The following ARHGEF9 variants were observed in gnomAD, a reference collection of about 807,000 sequenced individuals.
The protein encoded by ARHGEF9 is rho guanine nucleotide exchange factor 9.
Under a neutral mutation model 41.3 loss-of-function variants are expected in ARHGEF9, and 2 were observed. The observed-to-expected ratio is 0.05, with a 90% CI of 0.02 to 0.15. ARHGEF9 has a LOEUF of 0.15. Ranked by LOEUF, ARHGEF9 falls within the 10% of genes least tolerant of loss-of-function variation. The pLI is 1.00. For missense variants in ARHGEF9, 225 were observed against 424.7 expected (o/e 0.53, Z 4.13); for synonymous variants, 160 against 154.4 (o/e 1.04, Z -0.27).
chrX:63,646,929 T>C (rs1328974527), intron 8 of ARHGEF9, among the ~76,000 whole-genome samples: 2 of 111,521 alleles, frequency 1.8e-5, no homozygotes, highest in Non-Finnish European at 3.8e-5. Flanking sequence ...GTAGTTGTCC[T>C]TGAAGAGTTC....
chrX:63,729,136 A>G (rs1244980912), intron 1 of ARHGEF9, among the ~76,000 whole-genome samples: 1 of 111,886 alleles, frequency 8.9e-6, no homozygotes, highest in Non-Finnish European at 1.9e-5. Context: ...GCTTTGCAAA[A>G]GAAGTGATGA....
At chrX:63,715,633 C>T in intron 2 of ARHGEF9, among the ~76,000 whole-genome samples, 1 of 111,888 alleles carries the variant, frequency 8.9e-6, no homozygotes, top group Non-Finnish European at 1.9e-5. Context: ...GAGGCTTTTC[C>T]CGCAACATCT....
chrX:63,760,839 A>T (rs2056022033), intron 1 of ARHGEF9, among the ~76,000 whole-genome samples: 1 of 111,791 alleles, frequency 8.9e-6, no homozygotes, highest in African/African-American at 3.3e-5. Flanking sequence ...TAAAAGAGTA[A>T]CTATACCTGA....
intron 7 of ARHGEF9, among the ~76,000 whole-genome samples, chrX:63,660,251 T>C (rs1198637283): frequency 9.0e-6 from 1 of 111,620 alleles, no homozygotes; most frequent in Non-Finnish European, 1.9e-5. Flanking sequence ...ACAACATGGA[T>C]GGAACTGGAG....
chrX:63,781,603 G>A (rs1269555667), intron 1 of ARHGEF9, among the ~76,000 whole-genome samples: 1 of 111,735 alleles, frequency 8.9e-6, no homozygotes, highest in Non-Finnish European at 1.9e-5. Context: ...ATTTCATATA[G>A]ATCATCTCCA....
intron 1 of ARHGEF9, among the ~76,000 whole-genome samples, chrX:63,730,700 G>T (rs1448273961): frequency 1.8e-5 from 2 of 111,759 alleles, no homozygotes; most frequent in African/African-American, 6.5e-5. Context: ...CCCTACCCTT[G>T]CCTCTTCTGA....
intron 2 of ARHGEF9, among the ~76,000 whole-genome samples, chrX:63,708,273 T>C (rs1230866333): frequency 8.9e-6 from 1 of 112,267 alleles, no homozygotes; most frequent in African/African-American, 3.2e-5. Flanking sequence ...AACTCTGCTA[T>C]GGAAAGGGTA....
chrX:63,647,418 T>C (rs188934456), intron 8 of ARHGEF9, among the ~76,000 whole-genome samples: 51 of 111,814 alleles, frequency 4.6e-4, no homozygotes, highest in Non-Finnish European at 4.7e-4. Context: ...AGTATGTAAT[T>C]TATTGAGAGT....
At chrX:63,722,048 C>A (rs1404881398) in intron 2 of ARHGEF9, among the ~76,000 whole-genome samples, 3 of 112,102 alleles carry the variant, frequency 2.7e-5, no homozygotes, top group African/African-American at 9.7e-5. Flanking sequence ...TCACAGGTAA[C>A]AAAGCATTTT....
intron 1 of ARHGEF9, among the ~76,000 whole-genome samples, chrX:63,779,754 CA>C (rs1556461000): frequency 9.0e-6 from 1 of 111,662 alleles, no homozygotes; most frequent in Admixed American, 9.5e-5. Context: ...GCCCACAGTC[CA>C]AAGCTGACTA....
intron 7 of ARHGEF9, among the ~76,000 whole-genome samples, chrX:63,664,000 T>G (rs2049370767): frequency 8.9e-6 from 1 of 112,105 alleles, no homozygotes; most frequent in Non-Finnish European, 1.9e-5. Flanking sequence ...GAAGAAAGCC[T>G]ATGGTTCTTG....
intron 1 of ARHGEF9, among the ~76,000 whole-genome samples, chrX:63,778,250 G>C (rs1170196929): frequency 8.9e-6 from 1 of 112,277 alleles, no homozygotes; most frequent in Admixed American, 9.4e-5. Flanking sequence ...CACGGCTTGG[G>C]GCTTGTACCC....
intron 7 of ARHGEF9, among the ~76,000 whole-genome samples, chrX:63,660,395 G>A (rs1556340237): frequency 9.0e-6 from 1 of 111,203 alleles, no homozygotes; most frequent in Non-Finnish European, 1.9e-5. Flanking sequence ...TTACTTGAGG[G>A]TGGAAGGTGG....
chrX:63,727,961 T>A (rs1180428684), intron 1 of ARHGEF9, among the ~76,000 whole-genome samples: 1 of 111,885 alleles, frequency 8.9e-6, no homozygotes, highest in Non-Finnish European at 1.9e-5. Context: ...CTATTCTGCC[T>A]CTGGGTCCCA....
At chrX:63,731,850 C>A (rs1455631769) in intron 1 of ARHGEF9, among the ~76,000 whole-genome samples, 1 of 111,130 alleles carries the variant, frequency 9.0e-6, no homozygotes, top group African/African-American at 3.3e-5. Flanking sequence ...CGTGAGCCAC[C>A]GCACCCAGCC....
At chrX:63,674,360 T>TTGTACACTGATA (rs1329659707) in intron 5 of ARHGEF9, among the ~76,000 whole-genome samples, 193 bp from the exon 6 acceptor site, 2 of 112,223 alleles carry the variant, frequency 1.8e-5, no homozygotes, top group Admixed American at 9.5e-5. Flanking sequence ...CAAGTAAGTT[T>TTGTACACTGATA]TGTACACTGA....
intron 6 of ARHGEF9, among the ~76,000 whole-genome samples, chrX:63,670,873 C>T (rs1424969816): frequency 8.9e-6 from 1 of 111,794 alleles, no homozygotes; most frequent in Admixed American, 9.5e-5. Flanking sequence ...GGGATAATAA[C>T]CAGAGTTGGG....
Position 63,785,178 on chromosome X carries a change from C to T in ARHGEF9, c.-33G>A, listed in dbSNP as rs782327551. On this transcript the variant is annotated 5_prime_UTR_variant, in exon 1 of 10. Coordinates refer to ENST00000671741, the MANE Select transcript of ARHGEF9 (RefSeq NM_001353921.2). ...GCGAAGTCCGGCTTCTCTGAGGCCC[C>T]GTAGCTGGCGCGAGTTGTCGCGGGC... The T allele has an allele frequency of 1.1e-5, 13 of 1,158,715 alleles. No individual in the cohort carries two copies. Among genetic ancestry groups the T allele is most frequent in the African/African-American group, 1.1e-4 (6 of 55,588 alleles).
intron 9 of ARHGEF9, chrX:63,640,992 G>A (rs782146916): frequency 1.8e-5 from 2 of 111,583 alleles, no homozygotes; most frequent in African/African-American, 3.3e-5. Context: ...TACAGCCCTG[G>A]ACTAGGAGTC....
Sources: allele counts gnomAD v4.1 joint callset (sites outside exome capture counted in the v4.1 genomes callset), GRCh38; gene constraint gnomAD v4.1.1; transcripts MANE v1.5; gene names NCBI Gene and HGNC (gene_info 2026-07-23, HGNC 2026-07-21).